GARNL3: variants seen among roughly 807,000 people sequenced by gnomAD.
GARNL3 encodes the protein GTPase activating Rap/RanGAP domain like 3, also known as GTPase-activating Rap/Ran-GAP domain-like protein 3.
Under a neutral mutation model 125.0 loss-of-function variants are expected in GARNL3, and 63 were observed. The ratio of observed to expected loss-of-function variants is 0.50; its 90% CI spans 0.41 to 0.62. GARNL3 has a LOEUF of 0.62. Among genes scored for constraint, GARNL3 ranks in the 20% least tolerant of loss-of-function variants. The probability of loss-of-function intolerance (pLI) is 0.00; values close to 1 mark genes in which losing one functional copy is unlikely to be tolerated. For synonymous variants in GARNL3, 439 were observed against 457.5 expected (o/e 0.96, Z 0.52); for missense variants, 994 against 1,244.0 (o/e 0.80, Z 3.02).
rs2063697236 is a variant in GARNL3, at chr9:127,266,005, T to C, written c.144+984T>C. ...GATACAGTCCTTGTTCTTAAGGAGC[T>C]TACTGTCCTCTGGCTGGGCAGATAA... On this transcript the variant is annotated intron_variant, in intron 1 of 27. Transcript: ENST00000373387. The surrounding 1 kb of genome is among the most constrained non-coding windows in gnomAD (Gnocchi z 4.0). 6.6e-6 allele frequency among the ~76,000 whole-genome samples: 1 copy of C among 152,226 alleles called. No individual in the cohort carries two copies. The highest frequency in any genetic ancestry group is 2.1e-4 in the South Asian group (1 of 4,832).
intron 2 of GARNL3, among the ~76,000 whole-genome samples, chr9:127,298,052 CA>C: frequency 6.6e-6 from 1 of 152,302 alleles, no homozygotes; most frequent in East Asian, 1.9e-4. Flanking sequence ...ATAGCCGGAA[CA>C]AAAACCTCTA....
intron 2 of GARNL3, among the ~76,000 whole-genome samples, chr9:127,254,489 A>G (rs1451927185): frequency 6.6e-6 from 1 of 152,196 alleles, no homozygotes; most frequent in African/African-American, 2.4e-5. Context: ...TATACAAATA[A>G]TATCTACCAA....
intron 22 of GARNL3, among the ~76,000 whole-genome samples, chr9:127,376,432 A>C (rs1017751910): frequency 2.0e-5 from 3 of 150,796 alleles, no homozygotes; most frequent in Non-Finnish European, 3.0e-5. Flanking sequence ...GTTAGCCAGG[A>C]TGGTCTCGAT....
intron 2 of GARNL3, among the ~76,000 whole-genome samples, chr9:127,248,599 T>TTC (rs2063344038): frequency 1.6e-5 from 2 of 125,660 alleles, no homozygotes; most frequent in African/African-American, 6.5e-5. Context: ...TTCTTTTCTT[T>TTC]TTTTTTTTTT....
intron 2 of GARNL3, among the ~76,000 whole-genome samples, chr9:127,304,007 C>T (rs779676436): frequency 6.6e-6 from 1 of 152,046 alleles, no homozygotes; most frequent in Non-Finnish European, 1.5e-5. Flanking sequence ...GAGTTCATTT[C>T]CCTCTGTTGT....
At chr9:127,342,149 C>CT in intron 13 of GARNL3, 70 bp from the exon 14 acceptor site, 1 of 999,806 alleles carries the variant, frequency 1.0e-6, no homozygotes, top group South Asian at 1.3e-5. Flanking sequence ...AACAGACAAG[C>CT]ATAGTTTCAA....
At chr9:127,333,990 GAGGGCCAT>G (rs1829410540) in intron 9 of GARNL3, among the ~76,000 whole-genome samples, 1 of 152,146 alleles carries the variant, frequency 6.6e-6, no homozygotes, top group South Asian at 2.1e-4. Flanking sequence ...TGCCTTGGGA[GAGGGCCAT>G]AGGTCAGAAG....
At chr9:127,355,241 T>G in intron 19 of GARNL3, 56 bp from the exon 20 acceptor site, 1 of 1,494,456 alleles carries the variant, frequency 6.7e-7, no homozygotes. Context: ...TGTCAAGGTC[T>G]GGGGGCTTCC....
At chr9:127,370,754 A>G (rs1831561757) in intron 22 of GARNL3, among the ~76,000 whole-genome samples, 2 of 152,022 alleles carry the variant, frequency 1.3e-5, no homozygotes, top group Non-Finnish European at 1.5e-5. Context: ...TGCCGTTCAC[A>G]GTCTCTTCTC....
chr9:127,256,716 A>G (rs1017206412), intron 2 of GARNL3, among the ~76,000 whole-genome samples: 2 of 152,246 alleles, frequency 1.3e-5, no homozygotes, highest in African/African-American at 4.8e-5. Context: ...CAGTGGTAAG[A>G]AATAACACAG....
intron 20 of GARNL3, 92 bp downstream of exon 20, chr9:127,355,564 T>C: frequency 8.1e-7 from 1 of 1,228,306 alleles, no homozygotes; most frequent in East Asian, 2.3e-5. Context: ...CCACTGAGGT[T>C]GTCCCACTGT....
intron 1 of GARNL3, chr9:127,225,456 G>C (rs970450805): frequency 1.3e-6 from 1 of 749,258 alleles, no homozygotes; most frequent in Admixed American, 6.3e-5. Flanking sequence ...CACGTGGGGG[G>C]ATGGCGATGT....
At chr9:127,342,733 G>A (rs1284921627) in intron 14 of GARNL3, among the ~76,000 whole-genome samples, 1 of 151,936 alleles carries the variant, frequency 6.6e-6, no homozygotes, top group Non-Finnish European at 1.5e-5. Flanking sequence ...AAAGACATAG[G>A]GTGCTTTTTT....
chr9:127,256,086 C>T (rs1305495381), intron 2 of GARNL3, among the ~76,000 whole-genome samples: 1 of 152,174 alleles, frequency 6.6e-6, no homozygotes, highest in South Asian at 2.1e-4. Context: ...GAATTATTTT[C>T]CTTATATTAA....
In GARNL3 at chr9:127,385,112, A is replaced by G; in HGVS notation, c.2355A>G (p.Ala785=). 1 of 1,609,858 alleles carries G rather than the reference A, an allele frequency of 6.2e-7. No individual in the cohort carries two copies. Among genetic ancestry groups the G allele is most frequent in the Non-Finnish European group, 8.5e-7 (1 of 1,177,564 alleles). Reference sequence around the variant, plus strand: ...TGAACGGGAACCTGGTCCACACTGCAGTCGTGCCGCAGCTGCAGCTGGTGG... The same window carrying G: ...TGAACGGGAACCTGGTCCACACTGCGGTCGTGCCGCAGCTGCAGCTGGTGG... ...LVVNGNLVHT[A]VVPQLQLVAS... is the part of the protein sequence containing the mutation. The change falls in exon 24 of 28, where the codon GCA becomes GCG. Residue 785 remains alanine (A), a synonymous_variant. Transcript: ENST00000373387. The surrounding 1 kb of genome is among the most constrained non-coding windows in gnomAD (Gnocchi z 4.1).
chr9:127,275,466 TC>T, intron 1 of GARNL3, among the ~76,000 whole-genome samples: 1 of 152,344 alleles, frequency 6.6e-6, no homozygotes, highest in African/African-American at 2.4e-5. Flanking sequence ...TTCATCAAAG[TC>T]TCTCTTGGTG....
chr9:127,243,088 C>A, exon 2 of GARNL3: 1 of 1,358,980 alleles, frequency 7.4e-7, no homozygotes, highest in Non-Finnish European at 9.8e-7. Context: ...GGACAGCTGC[C>A]CAGCCTCCAG....
intron 22 of GARNL3, among the ~76,000 whole-genome samples, chr9:127,370,136 A>C (rs1268774924): frequency 6.6e-6 from 1 of 152,210 alleles, no homozygotes; most frequent in Non-Finnish European, 1.5e-5. Context: ...TACAAGGCAC[A>C]GTGGTCGCAT....
Position 127,291,195 on chromosome 9 carries a change from A to T in GARNL3, c.172A>T (p.Ile58Phe). The T allele has an allele frequency of 6.2e-7, 1 of 1,614,174 alleles. No individual in the cohort carries two copies. Among genetic ancestry groups the T allele is most frequent in the South Asian group, 1.1e-5 (1 of 91,082 alleles). ...TATTTCCAGTGATGCTGATGGAGCC[A>T]TCCAAAGGGCTGGAAGATTCAGAGT... The part of the protein sequence containing the change: ...LLISSDADGA[I>F]QRAGRFRVEN... The change falls in exon 2 of 28, where the codon ATC (isoleucine) becomes TTC (phenylalanine). Residue 58 changes from isoleucine to phenylalanine, a missense_variant. Around this residue, in one of 5 missense-constraint regions of GARNL3, gnomAD observed 139 missense variants for 231.6 expected, o/e 0.60. Coordinates refer to ENST00000373387, the MANE Select transcript of GARNL3 (RefSeq NM_032293.5).
Sources: gnomAD v4.1 joint callset for allele counts (sites outside exome capture counted in the v4.1 genomes callset) on GRCh38, gnomAD v4.1.1 for gene constraint, gnomAD v4.1.1 regional missense constraint, Gnocchi (gnomAD v3.1) non-coding constraint, MANE v1.5 for transcripts, NCBI Gene and HGNC (gene_info 2026-07-23, HGNC 2026-07-21) for gene names.